NEO1: variants seen among roughly 807,000 people sequenced by gnomAD.
NEO1 encodes the protein neogenin.
NEO1 carries 63 observed loss-of-function variants against 159.7 expected under a neutral mutation model. The observed-to-expected ratio is 0.39, with a 90% CI of 0.32 to 0.49. The LOEUF (loss-of-function observed/expected upper bound fraction) is 0.49, where lower values mean the gene tolerates loss of function less well. Ranked by LOEUF, NEO1 falls within the 20% of genes least tolerant of loss-of-function variation. The pLI is 0.85. For missense variants in NEO1, 1,615 were observed against 1,831.0 expected (o/e 0.88, Z 2.15); for synonymous variants, 633 against 662.0 (o/e 0.96, Z 0.67).
chr15:73,128,675 A>G (rs1032110118), intron 4 of NEO1, among the ~76,000 whole-genome samples: 1 of 152,198 alleles, frequency 6.6e-6, no homozygotes, highest in Non-Finnish European at 1.5e-5. Flanking sequence ...AAGAAAAGAC[A>G]AATTATATCA....
chr15:73,295,146 A>ATATATATATATATATATATATATATAT (rs1277362385), intron 26 of NEO1, among the ~76,000 whole-genome samples: 17 of 140,236 alleles, frequency 1.2e-4, no homozygotes, highest in East Asian at 2.1e-4. Flanking sequence ...ATATATATGT[A>ATATATATATATATATATATATATATAT]AAAATTTGGC....
At chr15:73,275,961 G>A (rs904752102) in intron 21 of NEO1, among the ~76,000 whole-genome samples, 2 of 152,216 alleles carry the variant, frequency 1.3e-5, no homozygotes, top group African/African-American at 4.8e-5. Flanking sequence ...AGAACTTGAG[G>A]TATCAAGTTT....
At chr15:73,200,525 G>C (rs1016429825) in intron 7 of NEO1, among the ~76,000 whole-genome samples, 1 of 144,912 alleles carries the variant, frequency 6.9e-6, no homozygotes, top group Non-Finnish European at 1.5e-5. Context: ...GGAGTCTCTA[G>C]AGAGAGAGAG....
intron 7 of NEO1, among the ~76,000 whole-genome samples, chr15:73,220,273 T>C (rs1380782242): frequency 6.6e-6 from 1 of 152,200 alleles, no homozygotes; most frequent in African/African-American, 2.4e-5. Flanking sequence ...CTGGCTTGTA[T>C]GTAGAGTTTC....
Position 73,280,797 on chromosome 15 carries a change from C to T in NEO1, c.3263-2167C>T, listed in dbSNP as rs557739005. ...GCTCTTAATCCCTTCTAAATCAGCC[C>T]CAGATTTAGCACTGTACTTAGATGT... is the stretch of plus-strand genomic sequence containing the variant. On this transcript the variant is annotated intron_variant, in intron 22 of 28. Coordinates refer to ENST00000261908, the MANE Select transcript of NEO1 (RefSeq NM_002499.4). Among the ~76,000 whole-genome samples, 126 of 152,180 alleles carry T rather than the reference C, an allele frequency of 8.3e-4. 1 individual carries two copies. Among genetic ancestry groups the T allele is most frequent in the South Asian group, 1.5e-3 (7 of 4,826 alleles).
At chr15:73,116,465 T>G (rs2071325389) in intron 1 of NEO1, 75 bp from the exon 2 acceptor site, 1 of 1,298,150 alleles carries the variant, frequency 7.7e-7, no homozygotes, top group Non-Finnish European at 1.0e-6. Context: ...TTTTTGGACT[T>G]GTTAGTAATA....
chr15:73,300,208 C>A (rs979890900), intron 27 of NEO1, among the ~76,000 whole-genome samples: 1 of 152,174 alleles, frequency 6.6e-6, no homozygotes, highest in Non-Finnish European at 1.5e-5. Flanking sequence ...GTTCTCAAGA[C>A]CATGGTGGCG....
chr15:73,139,010 G>A (rs933179173), intron 5 of NEO1, among the ~76,000 whole-genome samples: 1 of 152,080 alleles, frequency 6.6e-6, no homozygotes, highest in Non-Finnish European at 1.5e-5. Context: ...AAAGCAGTGC[G>A]GATTTTTCCT....
chr15:73,162,116 TCCA>T (rs1447949976), intron 5 of NEO1: 2 of 221,160 alleles, frequency 9.0e-6, no homozygotes, highest in East Asian at 2.2e-4. Context: ...CCTCTTCCTC[TCCA>T]CAACCCGGGT....
rs543322592 is a variant in NEO1 at position 73,268,496 on chromosome 15, T to G, written c.2495-1514T>G. ...AATTGGTATGTGTCCTGCCAAACTT[T>G]GAACAAAGCTCTTGGTTATATAATG... On this transcript the variant is annotated intron_variant, in intron 16 of 28. Transcript: ENST00000261908. Among the ~76,000 whole-genome samples the G allele has an allele frequency of 3.3e-5, 5 of 152,344 alleles. No homozygotes were observed. In the South Asian group the frequency reaches 1.0e-3, roughly 32 times the overall value.
At chr15:73,123,857 T>G (rs1258887711) in intron 3 of NEO1, among the ~76,000 whole-genome samples, 1 of 152,216 alleles carries the variant, frequency 6.6e-6, no homozygotes, top group African/African-American at 2.4e-5. Flanking sequence ...ATAGGCTCAT[T>G]TTTAATCTAT....
rs370986640 is a variant in NEO1, at chr15:73,249,634, A to G, written c.1807A>G (p.Thr603Ala). The G allele has an allele frequency of 6.2e-7, 1 of 1,613,620 alleles. No individual in the cohort carries two copies. The highest frequency in any genetic ancestry group is 8.5e-7 in the Non-Finnish European group (1 of 1,179,832). Residue 603 changes from threonine (T) to alanine (A), a missense_variant, in exon 11 of 29, where the codon ACA (threonine) becomes GCA (alanine). Around this residue, in one of 3 missense-constraint regions of NEO1, gnomAD observed 1,018 missense variants for 1,115.4 expected, o/e 0.91. Coordinates refer to ENST00000261908, the MANE Select transcript of NEO1 (RefSeq NM_002499.4). ...SYTINGLKKYTEYSFRVVAYN... is the reference protein window; with the variant it reads ...SYTINGLKKYAEYSFRVVAYN... ...CACCATTAATGGGTTGAAAAAATAT[A>G]CAGAGTATAGTTTCCGAGTGGTGGC...
chr15:73,300,638 G>A (rs2042577177), intron 27 of NEO1, among the ~76,000 whole-genome samples: 1 of 152,190 alleles, frequency 6.6e-6, no homozygotes, highest in Non-Finnish European at 1.5e-5. Flanking sequence ...GGCTGAGGCT[G>A]GAGAATCACT....
At chr15:73,298,229 A>G (rs2042455834) in intron 26 of NEO1, 119 bp from the exon 27 acceptor site, 4 of 1,216,352 alleles carry the variant, frequency 3.3e-6, no homozygotes, top group South Asian at 1.5e-5. Context: ...CTCTTGGACT[A>G]GCACTGATCG....
At chr15:73,063,891 G>A (rs369971310) in intron 1 of NEO1, among the ~76,000 whole-genome samples, 18 of 152,174 alleles carry the variant, frequency 1.2e-4, no homozygotes, top group African/African-American at 3.6e-4. Context: ...TTATTATTAC[G>A]TATTTGCTTT....
At chr15:73,142,517 G>A (rs559167876) in intron 5 of NEO1, among the ~76,000 whole-genome samples, 2 of 152,252 alleles carry the variant, frequency 1.3e-5, no homozygotes, top group East Asian at 3.9e-4. Context: ...GAGGAAATAA[G>A]CCAGGCCACC....
intron 1 of NEO1, among the ~76,000 whole-genome samples, chr15:73,100,544 A>G (rs913053813): frequency 2.0e-5 from 3 of 152,102 alleles, no homozygotes; most frequent in African/African-American, 7.2e-5. Flanking sequence ...CATGTTGGCC[A>G]GGCTGGTCTT....
intron 1 of NEO1, among the ~76,000 whole-genome samples, chr15:73,088,089 C>T (rs28645758): frequency 0.13 from 19,095 of 151,636 alleles, 1,978 homozygotes; most frequent in African/African-American, 0.28. Flanking sequence ...AAATAGGTAC[C>T]TTAAAAAGTA....
intron 8 of NEO1, among the ~76,000 whole-genome samples, chr15:73,238,094 C>G (rs2150868008): frequency 6.6e-6 from 1 of 152,168 alleles, no homozygotes; most frequent in South Asian, 2.1e-4. Context: ...GGAAATTTTG[C>G]AAACCTAATG....
Sources: allele counts gnomAD v4.1 joint callset (sites outside exome capture counted in the v4.1 genomes callset), GRCh38; gene constraint gnomAD v4.1.1; regional missense constraint gnomAD v4.1.1; transcripts MANE v1.5; gene names NCBI Gene and HGNC (gene_info 2026-07-23, HGNC 2026-07-21).